Variants in VGLL4 observed in about 807,000 individuals in gnomAD.
VGLL4 encodes the protein transcription cofactor vestigial-like protein 4.
A neutral mutation model predicts 21.0 loss-of-function variants in VGLL4; 7 were observed. That is an observed-to-expected ratio of 0.33 (90% CI 0.19 to 0.63). The LOEUF is 0.63. VGLL4 is among the 20% of genes least tolerant of loss of function. The probability of loss-of-function intolerance (pLI) is 0.78; values close to 1 mark genes in which losing one functional copy is unlikely to be tolerated. For missense variants in VGLL4, 394 were observed against 425.7 expected (o/e 0.93, Z 0.66); for synonymous variants, 222 against 173.2 (o/e 1.28, Z -2.21).
intron 2 of VGLL4, among the ~76,000 whole-genome samples, chr3:11,681,485 C>T (rs554548508): frequency 2.0e-5 from 3 of 152,240 alleles, no homozygotes; most frequent in East Asian, 1.9e-4. Context: ...TGATACAGCC[C>T]GTCGGCTCAT....
At chr3:11,592,511 C>G (rs2074524251) in intron 2 of VGLL4, among the ~76,000 whole-genome samples, 1 of 152,106 alleles carries the variant, frequency 6.6e-6, no homozygotes, top group African/African-American at 2.4e-5. Context: ...TTCCCTCCAT[C>G]CTCCTTTGTG....
At chr3:11,661,995 A>G (rs1256975898) in intron 2 of VGLL4, among the ~76,000 whole-genome samples, 1 of 152,240 alleles carries the variant, frequency 6.6e-6, no homozygotes, top group African/African-American at 2.4e-5. Context: ...TATGGAGGAC[A>G]CATTCCAGAA....
At position 11,588,244 on chromosome 3, in the gene VGLL4, G is replaced by A. The variant is rs762163151; in HGVS notation, c.272+13589C>T. 2.0e-5 allele frequency among the ~76,000 whole-genome samples: 3 copies of A among 152,334 alleles called. No individual in the cohort carries two copies. The East Asian group carries it at 5.8e-4, about 29-fold the overall frequency. On this transcript the variant is annotated intron_variant, in intron 2 of 4. Coordinates refer to ENST00000430365, the MANE Select transcript of VGLL4 (RefSeq NM_001128219.3). ...AGTGCTACAGACCTGAGCAAATTCA[G>A]CCCCTGGTCTGGTGGAACTTGTAGA...
intron 2 of VGLL4, among the ~76,000 whole-genome samples, chr3:11,693,954 A>G (rs746971004): frequency 6.6e-6 from 1 of 152,206 alleles, no homozygotes; most frequent in Admixed American, 6.5e-5. Context: ...GACAGATAGC[A>G]GAGAATTACG....
rs769598316 is a variant in VGLL4 at position 11,564,785 on chromosome 3, A to G, written c.495+12T>C. On this transcript the variant is annotated intron_variant, in intron 3 of 4. Coordinates refer to ENST00000430365, the MANE Select transcript of VGLL4 (RefSeq NM_001128219.3). ...TGGACTCCCCACGCCACCCTCCCAG[A>G]CAGAGGCCCACCTGCTGCCGCTCCC... is the stretch of plus-strand genomic sequence containing the variant. 3 of 1,538,938 alleles carry G rather than the reference A, an allele frequency of 1.9e-6. No homozygotes were observed. Among genetic ancestry groups the G allele is most frequent in the Non-Finnish European group, 2.6e-6 (3 of 1,147,902 alleles).
intron 1 of VGLL4, among the ~76,000 whole-genome samples, chr3:11,709,576 TTTG>T (rs1178556601): frequency 4.6e-5 from 7 of 152,162 alleles, no homozygotes; most frequent in Non-Finnish European, 7.4e-5. Flanking sequence ...AGACATATAT[TTTG>T]TTGTTGTGGA....
Position 11,605,042 on chromosome 3 carries a change from ACGCCCC to A in VGLL4, c.83-3026_83-3021del, listed in dbSNP as rs2074899496. Among the ~76,000 whole-genome samples the A allele has an allele frequency of 2.8e-4, 11 of 39,656 alleles. 1 individual carries two copies. The highest frequency in any genetic ancestry group is 5.3e-4 in the African/African-American group (5 of 9,432). The allele number at this position is 39,656 out of a possible 152,430, so 26.0% of individuals were successfully genotyped here. A position where few individuals can be genotyped will look rare whatever the true frequency, so the allele number is the denominator to read the frequency against. ...GCAGGGCTGCTTTCCATCGCCCGCC[ACGCCCC>A]CGCCCACCCCCAATCCTCCACAGCT... On this transcript the variant is annotated intron_variant, in intron 1 of 4. Transcript: ENST00000430365.
Position 11,558,846 on chromosome 3 carries a change from G to A in VGLL4, c.620-19C>T, listed in dbSNP as rs1336691812. 1.2e-6 allele frequency: 2 copies of A among 1,608,108 alleles called. No homozygotes were observed. Among genetic ancestry groups the A allele is most frequent in the East Asian group, 4.5e-5 (2 of 44,738 alleles). Reference sequence around the variant, plus strand: ...GTGGCAGCTGCAGGCAAGCAGGAAGGCAGGCAGTCAGACACAGGTGGCTGC... The same window carrying A: ...GTGGCAGCTGCAGGCAAGCAGGAAGACAGGCAGTCAGACACAGGTGGCTGC... On this transcript the variant is annotated intron_variant, in intron 4 of 4. Coordinates refer to ENST00000430365, the MANE Select transcript of VGLL4 (RefSeq NM_001128219.3).
intron 1 of VGLL4, among the ~76,000 whole-genome samples, chr3:11,712,607 T>A (rs919162203): frequency 6.6e-6 from 1 of 152,144 alleles, no homozygotes; most frequent in Non-Finnish European, 1.5e-5. Flanking sequence ...AGAATGGAAG[T>A]GACTTCCTGA....
rs2075736682 is a variant in VGLL4 at position 11,643,546 on chromosome 3, C to G, written c.-28G>C. The G allele has an allele frequency of 6.2e-7, 1 of 1,613,658 alleles. No individual in the cohort carries two copies. The highest frequency in any genetic ancestry group is 1.3e-5 in the African/African-American group (1 of 74,934). On this transcript the variant is annotated 5_prime_UTR_variant, in exon 1 of 5. Transcript: ENST00000430365. ...ATTGGGCTAGCAAAGAAAACCAGCT[C>G]TTTGCTTTTGCCCCAAAAGAGTTAA...
At chr3:11,578,443 G>A (rs779129893) in intron 2 of VGLL4, among the ~76,000 whole-genome samples, 1 of 152,098 alleles carries the variant, frequency 6.6e-6, no homozygotes, top group Non-Finnish European at 1.5e-5. Context: ...CAGCCCTAAG[G>A]TTGGTAGGAA....
At chr3:11,595,246 AG>A (rs543406452) in intron 2 of VGLL4, among the ~76,000 whole-genome samples, 2 of 152,244 alleles carry the variant, frequency 1.3e-5, no homozygotes, top group Admixed American at 6.5e-5. Context: ...GTAAGAAAGA[AG>A]GGGAAATGCA....
intron 2 of VGLL4, among the ~76,000 whole-genome samples, chr3:11,571,016 G>A (rs2073752972): frequency 6.6e-6 from 1 of 152,216 alleles, no homozygotes; most frequent in Admixed American, 6.5e-5. Flanking sequence ...GGTTGCAAAG[G>A]AAGGCCTGGG....
intron 1 of VGLL4, among the ~76,000 whole-genome samples, chr3:11,720,175 G>A (rs1452654018): frequency 6.6e-6 from 1 of 151,966 alleles, no homozygotes; most frequent in Non-Finnish European, 1.5e-5. Context: ...CAAGCGCCCG[G>A]AGTTCAGCCG....
intron 2 of VGLL4, among the ~76,000 whole-genome samples, chr3:11,695,915 G>C (rs1575539471): frequency 2.0e-5 from 3 of 152,254 alleles, no homozygotes; most frequent in Middle Eastern, 6.8e-3. Flanking sequence ...CACTACAGAA[G>C]AGCTGGCAGA....
rs1224056261 is a variant in VGLL4, at chr3:11,653,844, T to C, written c.64+49127A>G. 6.6e-6 allele frequency among the ~76,000 whole-genome samples: 1 copy of C among 152,180 alleles called. No individual in the cohort carries two copies. Among genetic ancestry groups the C allele is most frequent in the Admixed American group, 6.5e-5 (1 of 15,270 alleles). ...TGGAGCAGCCACACTACGACTTTAC[T>C]TCGCACTTCTCTGATGGACAGTAAG... On this transcript the variant is annotated intron_variant, in intron 2 of 5. Transcript: ENST00000273038. This position sits in a 1 kb window ranked among gnomAD's most constrained non-coding sequence, Gnocchi z 4.2.
chr3:11,563,914 C>G (rs1425613106), intron 3 of VGLL4, among the ~76,000 whole-genome samples: 1 of 152,194 alleles, frequency 6.6e-6, no homozygotes, highest in Non-Finnish European at 1.5e-5. Flanking sequence ...TTCAACAGAC[C>G]CCATCAGACA....
intron 2 of VGLL4, among the ~76,000 whole-genome samples, chr3:11,678,863 G>A (rs1289080295): frequency 6.6e-6 from 1 of 152,302 alleles, no homozygotes; most frequent in East Asian, 1.9e-4. Flanking sequence ...ATGACAGATG[G>A]CATATGCCAC....
intron 2 of VGLL4, among the ~76,000 whole-genome samples, chr3:11,670,277 C>T (rs926788295): frequency 6.6e-6 from 1 of 152,170 alleles, no homozygotes; most frequent in Non-Finnish European, 1.5e-5. Context: ...GGAAAGAAAA[C>T]TGAAGTCTAC....
Sources: allele counts gnomAD v4.1 joint callset (sites outside exome capture counted in the v4.1 genomes callset), GRCh38; gene constraint gnomAD v4.1.1; non-coding constraint Gnocchi (gnomAD v3.1); transcripts MANE v1.5; gene names NCBI Gene and HGNC (gene_info 2026-07-23, HGNC 2026-07-21).